DNAJC1: variants seen among roughly 807,000 people sequenced by gnomAD.
The protein encoded by DNAJC1 is dnaJ homolog subfamily C member 1.
Under a neutral mutation model 76.6 loss-of-function variants are expected in DNAJC1, and 58 were observed. The observed-to-expected ratio is 0.76, with a 90% CI of 0.61 to 0.94. The LOEUF is 0.94. Ranked by LOEUF, DNAJC1 falls within the 40% of genes least tolerant of loss-of-function variation. DNAJC1 has a pLI of 0.00. For synonymous variants in DNAJC1, 258 were observed against 267.9 expected (o/e 0.96, Z 0.36); for missense variants, 689 against 677.3 (o/e 1.02, Z -0.19).
intron 1 of DNAJC1, among the ~76,000 whole-genome samples, chr10:21,979,598 T>A (rs1253496328): frequency 6.6e-6 from 1 of 152,062 alleles, no homozygotes; most frequent in African/African-American, 2.4e-5. Flanking sequence ...ATATATGGTT[T>A]TACAGTGGGA....
chr10:21,840,913 C>T (rs1437285679), intron 8 of DNAJC1, among the ~76,000 whole-genome samples: 1 of 152,040 alleles, frequency 6.6e-6, no homozygotes, highest in Non-Finnish European at 1.5e-5. Context: ...AGATATAGAC[C>T]AAAGGAGCAG....
At chr10:21,760,801 C>G (rs904388352) in intron 10 of DNAJC1, among the ~76,000 whole-genome samples, 3 of 152,200 alleles carry the variant, frequency 2.0e-5, no homozygotes, top group Non-Finnish European at 4.4e-5. Flanking sequence ...AATGTATTTA[C>G]TTGTGACTCT....
intron 8 of DNAJC1, among the ~76,000 whole-genome samples, chr10:21,838,488 A>G (rs1276476697): frequency 1.3e-5 from 2 of 152,138 alleles, no homozygotes; most frequent in African/African-American, 4.8e-5. Context: ...AACACTGCAG[A>G]AGGCTGCAGG....
At chr10:21,825,533 T>C (rs1564798859) in intron 8 of DNAJC1, among the ~76,000 whole-genome samples, 1 of 152,254 alleles carries the variant, frequency 6.6e-6, no homozygotes, top group African/African-American at 2.4e-5. Context: ...TCAGTTCCTT[T>C]GAGTGTACAC....
chr10:21,901,503 T>C (rs1186428253), intron 7 of DNAJC1, among the ~76,000 whole-genome samples: 2 of 152,158 alleles, frequency 1.3e-5, no homozygotes, highest in African/African-American at 4.8e-5. Context: ...CAAAATTGAT[T>C]AAAAGTTTAT....
intron 7 of DNAJC1, among the ~76,000 whole-genome samples, chr10:21,890,411 T>TC (rs1178642081): frequency 1.2e-5 from 1 of 81,156 alleles, no homozygotes; most frequent in African/African-American, 5.3e-5. Flanking sequence ...AGACTCCATA[T>TC]CCCCCCCTAC....
At chr10:21,806,509 T>TC (rs1316029735) in intron 8 of DNAJC1, among the ~76,000 whole-genome samples, 2 of 141,710 alleles carry the variant, frequency 1.4e-5, no homozygotes, top group Non-Finnish European at 1.5e-5. Flanking sequence ...GGGCTCTCTC[T>TC]TTTTTTTTTT....
At chr10:21,784,213 AAAC>A (rs1421880677) in intron 9 of DNAJC1, among the ~76,000 whole-genome samples, 2 of 152,214 alleles carry the variant, frequency 1.3e-5, no homozygotes, top group Non-Finnish European at 2.9e-5. Flanking sequence ...AGAAAAAATC[AAAC>A]AACCCCATCA....
intron 1 of DNAJC1, among the ~76,000 whole-genome samples, chr10:21,982,916 A>AT (rs1387364012): frequency 6.6e-6 from 1 of 152,184 alleles, no homozygotes; most frequent in Non-Finnish European, 1.5e-5. Context: ...TTAGCCAGGC[A>AT]TGATGGCGCA....
chr10:21,876,207 T>C (rs1395678400), intron 8 of DNAJC1, among the ~76,000 whole-genome samples: 1 of 151,398 alleles, frequency 6.6e-6, no homozygotes, highest in East Asian at 1.9e-4. Flanking sequence ...GATTCCTGGG[T>C]TCAAGAGATT....
chr10:21,892,706 A>G (rs1428020752), intron 7 of DNAJC1, among the ~76,000 whole-genome samples: 18 of 152,128 alleles, frequency 1.2e-4, no homozygotes, highest in Admixed American at 1.2e-3. Flanking sequence ...CCATACAAAC[A>G]TTAATCAAAA....
intron 8 of DNAJC1, among the ~76,000 whole-genome samples, chr10:21,822,173 A>G (rs1316057064): frequency 1.3e-5 from 2 of 152,294 alleles, no homozygotes; most frequent in South Asian, 4.1e-4. Flanking sequence ...CTGGCAGGGC[A>G]CAGTGGCTCA....
chr10:21,875,456 A>G (rs892482667), intron 8 of DNAJC1, among the ~76,000 whole-genome samples: 5 of 152,334 alleles, frequency 3.3e-5, no homozygotes, highest in African/African-American at 1.2e-4. Context: ...ACAACCAGCC[A>G]CAAGTTAAAT....
intron 9 of DNAJC1, among the ~76,000 whole-genome samples, chr10:21,800,204 T>C (rs1032266557): frequency 2.0e-5 from 3 of 152,216 alleles, no homozygotes; most frequent in Non-Finnish European, 4.4e-5. Context: ...CTCTGTGTTT[T>C]CTTTTGCAAG....
chr10:21,869,034 T>C (rs936932347), intron 8 of DNAJC1, among the ~76,000 whole-genome samples: 12 of 152,010 alleles, frequency 7.9e-5, no homozygotes, highest in Admixed American at 7.2e-4. Flanking sequence ...TTGACACTTT[T>C]TGTAGTGGCC....
chr10:21,985,248 C>T (rs974873251), intron 1 of DNAJC1, among the ~76,000 whole-genome samples: 5 of 136,104 alleles, frequency 3.7e-5, no homozygotes, highest in African/African-American at 5.4e-5. Context: ...CACTACCCTG[C>T]TTTTTTTTTT....
chr10:21,812,281 A>G, intron 8 of DNAJC1, among the ~76,000 whole-genome samples: 1 of 150,202 alleles, frequency 6.7e-6, no homozygotes, highest in East Asian at 2.0e-4. Context: ...CTGGTCTTGA[A>G]CTCCTGACCT....
chr10:22,000,525 A>G (rs1458064488), intron 1 of DNAJC1, among the ~76,000 whole-genome samples: 3 of 152,168 alleles, frequency 2.0e-5, no homozygotes, highest in Non-Finnish European at 2.9e-5. Context: ...CTGCCTTGCT[A>G]TTCCTCAAAC....
chr10:21,859,204 C>T (rs1373004167), intron 8 of DNAJC1, among the ~76,000 whole-genome samples: 1 of 152,098 alleles, frequency 6.6e-6, no homozygotes, highest in African/African-American at 2.4e-5. Flanking sequence ...TTAAGAAGTT[C>T]CTTCTTAAGG....
Sources: allele counts gnomAD v4.1 joint callset (sites outside exome capture counted in the v4.1 genomes callset), GRCh38; gene constraint gnomAD v4.1.1; transcripts MANE v1.5; gene names NCBI Gene and HGNC (gene_info 2026-07-23, HGNC 2026-07-21).